KIF14: variants seen among roughly 807,000 people sequenced by gnomAD.
KIF14 encodes the protein kinesin-like protein KIF14.
KIF14 carries 98 observed loss-of-function variants against 176.2 expected under a neutral mutation model. The ratio of observed to expected loss-of-function variants is 0.56; its 90% CI spans 0.47 to 0.66. KIF14 has a LOEUF of 0.66. KIF14 is among the 30% of genes least tolerant of loss of function. KIF14 has a pLI of 0.00. For missense variants in KIF14, 1,751 were observed against 1,920.4 expected, an observed-to-expected ratio of 0.91 and a Z score of 1.65; for synonymous variants, 566 against 632.2, an observed-to-expected ratio of 0.90 and a Z score of 1.57.
At chr1:200,570,824 G>A (rs1657743101) in intron 22 of KIF14, among the ~76,000 whole-genome samples, 1 of 152,060 alleles carries the variant, frequency 6.6e-6, no homozygotes, top group Non-Finnish European at 1.5e-5. Flanking sequence ...TGCTGTGGGG[G>A]TTTGGTCTAC....
intron 27 of KIF14, among the ~76,000 whole-genome samples, chr1:200,558,896 T>C (rs1395086196): frequency 6.6e-6 from 1 of 152,254 alleles, no homozygotes; most frequent in Non-Finnish European, 1.5e-5. Context: ...ATTGGTTCTG[T>C]ATCTTGATAT....
chr1:200,583,128 A>G (rs1291155950), intron 19 of KIF14, among the ~76,000 whole-genome samples: 1 of 152,188 alleles, frequency 6.6e-6, no homozygotes, highest in Non-Finnish European at 1.5e-5. Flanking sequence ...ATGAAAGAGA[A>G]GAGTGAATTT....
intron 13 of KIF14, among the ~76,000 whole-genome samples, chr1:200,599,608 C>T (rs1435503201): frequency 1.3e-5 from 2 of 152,188 alleles, no homozygotes; most frequent in Non-Finnish European, 2.9e-5. Context: ...CAGTGTTCAA[C>T]CATGCTTTAC....
rs532054300 is a variant in KIF14 at position 200,616,314 on chromosome 1, C to A, written c.1113-705G>T. On this transcript the variant is annotated intron_variant, in intron 2 of 29. Transcript: ENST00000367350. ...CCTCATCAATTTGACAAGTACTCTACCCTGGCCCTGCTTTCAAGGCTTGTC... is the reference window on the plus strand; with the variant it reads ...CCTCATCAATTTGACAAGTACTCTAACCTGGCCCTGCTTTCAAGGCTTGTC... Among the ~76,000 whole-genome samples, 79 of 152,296 alleles carry A rather than the reference C, an allele frequency of 5.2e-4. No homozygotes were observed. In the South Asian group the frequency reaches 0.016, roughly 32 times the overall value.
chr1:200,554,320 G>A (rs946398130), intron 29 of KIF14, 148 bp downstream of exon 29: 3 of 516,310 alleles, frequency 5.8e-6, no homozygotes, highest in Non-Finnish European at 1.0e-5. Flanking sequence ...GAACCCAGGA[G>A]TCGGAGGTTG....
chr1:200,619,654 G>A (rs1020005669), intron 1 of KIF14, among the ~76,000 whole-genome samples: 2 of 152,186 alleles, frequency 1.3e-5, no homozygotes, highest in African/African-American at 4.8e-5. Context: ...TCCGGCCCAT[G>A]TATGTTGAAT....
chr1:200,610,797 A>G (rs1424060906), intron 4 of KIF14, among the ~76,000 whole-genome samples: 1 of 152,192 alleles, frequency 6.6e-6, no homozygotes, highest in Admixed American at 6.5e-5. Flanking sequence ...GACTAATCAG[A>G]AAAGGGAAAA....
chr1:200,587,239 T>G (rs1172386655), intron 18 of KIF14, among the ~76,000 whole-genome samples: 2 of 152,118 alleles, frequency 1.3e-5, no homozygotes, highest in Non-Finnish European at 2.9e-5. Context: ...TTGGGTACAA[T>G]GTAAGCTACT....
In KIF14 at chr1:200,559,423, A is replaced by G. The variant is rs1205462269; in HGVS notation, c.4260T>C (p.Gly1420=). ...QEEFMDAVCD[G]VGLGMKILLD... ...ATAAAATCTTCATTCCTAAGCCTAC[A>G]CCATCACAAACAGCATCCATGAATT... The change falls in exon 27 of 30, where the codon GGT becomes GGC. Residue 1420 remains glycine, a synonymous_variant. Coordinates refer to ENST00000367350, the MANE Select transcript of KIF14 (RefSeq NM_014875.3). 3.9e-6 allele frequency: 6 copies of G among 1,554,814 alleles called. No homozygotes were observed. The highest frequency in any genetic ancestry group is 5.2e-6 in the Non-Finnish European group (6 of 1,152,216).
At chr1:200,599,131 T>A (rs1051875040) in intron 13 of KIF14, among the ~76,000 whole-genome samples, 1 of 152,162 alleles carries the variant, frequency 6.6e-6, no homozygotes, top group Non-Finnish European at 1.5e-5. Context: ...CCATCTTATA[T>A]CCTATGCCAG....
chr1:200,565,614 A>T lies in KIF14; in HGVS notation c.3717T>A (p.Pro1239=). Residue 1239 remains proline, a synonymous_variant, in exon 24 of 30, where the codon CCT becomes CCA. Transcript: ENST00000367350. ...AACCAATCAATTCTTTGCAAATTCC[A>T]GGAAGAAAGGACTCTGCTGAATTTG... ...IYSNSAESFL[P]GICKELIGSS... The T allele has an allele frequency of 6.2e-7, 1 of 1,611,302 alleles. No homozygotes were observed. The highest frequency in any genetic ancestry group is 8.5e-7 in the Non-Finnish European group (1 of 1,179,616).
intron 18 of KIF14, among the ~76,000 whole-genome samples, chr1:200,588,879 G>GT (rs1386447778): frequency 3.3e-5 from 5 of 152,222 alleles, no homozygotes; most frequent in African/African-American, 4.8e-5. Flanking sequence ...GTGACCCAGT[G>GT]TAAGAGCTGT....
intron 5 of KIF14, 133 bp from the exon 6 acceptor site, chr1:200,606,931 AC>A: frequency 1.3e-6 from 1 of 760,194 alleles, no homozygotes; most frequent in Non-Finnish European, 2.2e-6. Flanking sequence ...AAAAAAAACC[AC>A]AAAAACTCTC....
At chr1:200,587,274 AG>A (rs1658801074) in intron 18 of KIF14, among the ~76,000 whole-genome samples, 1 of 152,122 alleles carries the variant, frequency 6.6e-6, no homozygotes, top group Admixed American at 6.6e-5. Flanking sequence ...ACTAAATCCT[AG>A]ACTTCACCAC....
At chr1:200,577,650 G>A (rs946104938) in intron 21 of KIF14, among the ~76,000 whole-genome samples, 6 of 148,536 alleles carry the variant, frequency 4.0e-5, no homozygotes, top group African/African-American at 2.5e-5. Flanking sequence ...GCAGTGAGCC[G>A]AAATCGCACC....
intron 19 of KIF14, among the ~76,000 whole-genome samples, chr1:200,584,924 G>A (rs747060328): frequency 6.6e-6 from 1 of 152,074 alleles, no homozygotes; most frequent in East Asian, 1.9e-4. Flanking sequence ...GTTTATAGAC[G>A]ACATGATCTT....
In KIF14 at chr1:200,604,954, T is replaced by G. The variant is rs971155799; in HGVS notation, c.1746+329A>C. ...TTATCATGATAACAAGCATCTATTA[T>G]TGATTTAAAAATCTGGTAAACGGTA... On this transcript the variant is annotated intron_variant, in intron 8 of 29. Transcript: ENST00000367350. 2.6e-5 allele frequency among the ~76,000 whole-genome samples: 4 copies of G among 152,154 alleles called. No individual in the cohort carries two copies. The East Asian group carries it at 7.7e-4, about 29-fold the overall frequency.
intron 29 of KIF14, 61 bp from the exon 30 acceptor site, chr1:200,553,828 G>A: frequency 7.0e-7 from 1 of 1,429,750 alleles, no homozygotes; most frequent in Non-Finnish European, 9.5e-7. Flanking sequence ...AGGTATTTAT[G>A]ACTTTTATAG....
At chr1:200,562,027 TTTC>T (rs1169949045) in intron 25 of KIF14, among the ~76,000 whole-genome samples, 1 of 152,210 alleles carries the variant, frequency 6.6e-6, no homozygotes. Flanking sequence ...CTCTTGAGCT[TTTC>T]TTCTTTCTGT....
Sources: allele counts gnomAD v4.1 joint callset (sites outside exome capture counted in the v4.1 genomes callset), GRCh38; gene constraint gnomAD v4.1.1; transcripts MANE v1.5; gene names NCBI Gene and HGNC (gene_info 2026-07-23, HGNC 2026-07-21).